MINDY4: variants seen among roughly 807,000 people sequenced by gnomAD.
The protein encoded by MINDY4 is MINDY lysine 48 deubiquitinase 4, also known as probable ubiquitin carboxyl-terminal hydrolase MINDY-4.
MINDY4 carries 68 observed loss-of-function variants against 87.0 expected under a neutral mutation model. The ratio of observed to expected loss-of-function variants is 0.78; its 90% CI spans 0.64 to 0.96. The LOEUF is 0.96. Among genes scored for constraint, MINDY4 ranks in the 40% least tolerant of loss-of-function variants. The pLI is 0.00. For synonymous variants in MINDY4, 379 were observed against 363.2 expected (o/e 1.04, Z -0.50); for missense variants, 919 against 928.2 (o/e 0.99, Z 0.13).
At chr7:30,859,129 C>G in intron 12 of MINDY4, 128 bp from the exon 13 acceptor site, 2 of 884,584 alleles carry the variant, frequency 2.3e-6, no homozygotes, top group Non-Finnish European at 3.8e-6. Flanking sequence ...CCCAGCAACC[C>G]CAGGGCTGGG....
chr7:30,837,037 A>C (rs562670911), intron 7 of MINDY4, among the ~76,000 whole-genome samples: 3 of 152,164 alleles, frequency 2.0e-5, no homozygotes, highest in South Asian at 4.2e-4. Flanking sequence ...CTGCTTCATC[A>C]TGTCCCTGTG....
At chr7:30,809,110 C>T (rs1444694237) in intron 5 of MINDY4, among the ~76,000 whole-genome samples, 1 of 151,900 alleles carries the variant, frequency 6.6e-6, no homozygotes, top group Non-Finnish European at 1.5e-5. Context: ...AAATTTAAAA[C>T]CTGTAATTGA....
At chr7:30,838,578 A>G (rs1440213146) in intron 7 of MINDY4, among the ~76,000 whole-genome samples, 1 of 152,144 alleles carries the variant, frequency 6.6e-6, no homozygotes, top group East Asian at 1.9e-4. Flanking sequence ...ATGGAAACAA[A>G]TGGGCTTTGC....
At chr7:30,806,789 G>A (rs1030632251) in intron 5 of MINDY4, among the ~76,000 whole-genome samples, 7 of 152,206 alleles carry the variant, frequency 4.6e-5, no homozygotes, top group Non-Finnish European at 8.8e-5. Context: ...GGAGGGTGAG[G>A]CAGATGTGTC....
At chr7:30,872,862 C>G (rs532207261) in intron 14 of MINDY4, among the ~76,000 whole-genome samples, 21 of 152,226 alleles carry the variant, frequency 1.4e-4, no homozygotes, top group Non-Finnish European at 2.5e-4. Context: ...AAGATGTTAC[C>G]TAGTGAGCAT....
intron 2 of MINDY4, 62 bp downstream of exon 2, chr7:30,778,613 T>C: frequency 6.3e-7 from 1 of 1,593,224 alleles, no homozygotes; most frequent in Non-Finnish European, 8.6e-7. Context: ...GCCAAAGCAC[T>C]CATGGGCCCT....
At chr7:30,777,093 T>C (rs1258191984) in intron 1 of MINDY4, among the ~76,000 whole-genome samples, 6 of 151,954 alleles carry the variant, frequency 3.9e-5, no homozygotes, top group African/African-American at 1.5e-4. Context: ...CACTGTGGCC[T>C]TGAAGTCATG....
Position 30,839,204 on chromosome 7 carries a change from TA to T in MINDY4, c.1247del (p.Lys416ArgfsTer29). The T allele has an allele frequency of 6.3e-7, 1 of 1,597,406 alleles. No homozygotes were observed. Among genetic ancestry groups the T allele is most frequent in the Non-Finnish European group, 8.5e-7 (1 of 1,172,896 alleles). On this transcript the variant is annotated frameshift_variant, in exon 8 of 18. Transcript: ENST00000265299. LOFTEE classifies it high-confidence loss of function. ...KPIDLSVAKE[I>X]KTLLFGSSFC... Reference sequence around the variant, plus strand: ...AACTCTCTCTTCTTTTTATAGGAAATAAAGACCCTTCTGTTTGGTTCCAGCT... The same window carrying T: ...AACTCTCTCTTCTTTTTATAGGAAATAAGACCCTTCTGTTTGGTTCCAGCT...
chr7:30,772,519 T>C (rs1584217990), intron 1 of MINDY4, among the ~76,000 whole-genome samples: 1 of 152,152 alleles, frequency 6.6e-6, no homozygotes, highest in Non-Finnish European at 1.5e-5. Context: ...TATTAACATA[T>C]GGGCAGCTTC....
intron 14 of MINDY4, among the ~76,000 whole-genome samples, chr7:30,873,535 T>G (rs1790170110): frequency 6.6e-6 from 1 of 152,216 alleles, no homozygotes; most frequent in Non-Finnish European, 1.5e-5. Flanking sequence ...CAGGCTCAGA[T>G]TCAGTGGGTC....
rs372590460 is a variant in MINDY4 at position 30,841,598 on chromosome 7, C to T, written c.1445+750C>T. On this transcript the variant is annotated intron_variant, in intron 9 of 17. Transcript: ENST00000265299. ...CGGTTACCAGCTTGTACCGAGTCAC[C>T]CTCAGAGCTACAGAACTTCTGGCAA... 7.0e-4 allele frequency among the ~76,000 whole-genome samples: 107 copies of T among 152,218 alleles called. 2 individuals are homozygous for T. The highest frequency in any genetic ancestry group is 2.5e-3 in the African/African-American group (103 of 41,520).
intron 5 of MINDY4, among the ~76,000 whole-genome samples, chr7:30,794,723 T>C (rs1161941124): frequency 1.3e-5 from 2 of 152,208 alleles, no homozygotes; most frequent in Non-Finnish European, 1.5e-5. Context: ...GTGGGGGTTG[T>C]GGCTGTTTGG....
intron 4 of MINDY4, among the ~76,000 whole-genome samples, chr7:30,788,736 A>T (rs1787230737): frequency 1.3e-5 from 2 of 152,036 alleles, no homozygotes; most frequent in Admixed American, 1.3e-4. Flanking sequence ...CCATGAAAAA[A>T]CCAGCAAGTT....
intron 5 of MINDY4, among the ~76,000 whole-genome samples, chr7:30,809,949 G>A (rs897006321): frequency 1.1e-4 from 16 of 152,002 alleles, no homozygotes; most frequent in African/African-American, 3.9e-4. Flanking sequence ...AGGCCGAGGT[G>A]GGTGGATCAT....
chr7:30,865,436 C>T (rs1789904617), intron 13 of MINDY4, among the ~76,000 whole-genome samples: 1 of 152,254 alleles, frequency 6.6e-6, no homozygotes, highest in African/African-American at 2.4e-5. Context: ...GCATGGATGC[C>T]AGTGTCATGG....
At chr7:30,838,166 C>G (rs1286453512) in intron 7 of MINDY4, among the ~76,000 whole-genome samples, 1 of 152,164 alleles carries the variant, frequency 6.6e-6, no homozygotes, top group Admixed American at 6.5e-5. Flanking sequence ...GGGCGGGGAC[C>G]TGCTGCCTTT....
intron 5 of MINDY4, among the ~76,000 whole-genome samples, chr7:30,804,251 A>G (rs1310764292): frequency 4.6e-5 from 7 of 152,128 alleles, no homozygotes; most frequent in Admixed American, 3.3e-4. Context: ...AGAAAATTCT[A>G]CTTTGTTTTC....
rs374910173 is a variant in MINDY4 at position 30,836,744 on chromosome 7, A to C, written c.1219A>C (p.Ile407Leu). The change falls in exon 7 of 18, where the codon ATT becomes CTT. Residue 407 changes from isoleucine (I) to leucine (L), a missense_variant. Ile to Leu is a conservative substitution (Grantham distance 5). Coordinates refer to ENST00000265299, the MANE Select transcript of MINDY4 (RefSeq NM_032222.3). Reference sequence around the variant, plus strand: ...CAAGTTGCAGACAGCATCAAAACCAATTGACCTCTCAGTAGCAAAGGTAAG... The same window carrying C: ...CAAGTTGCAGACAGCATCAAAACCACTTGACCTCTCAGTAGCAAAGGTAAG... ...VLKLQTASKP[I>L]DLSVAKEIKT... 1.2e-6 allele frequency: 2 copies of C among 1,614,098 alleles called. No individual in the cohort carries two copies. Among genetic ancestry groups the C allele is most frequent in the East Asian group, 4.5e-5 (2 of 44,886 alleles).
At chr7:30,889,590 G>A (rs944364562) in intron 17 of MINDY4, among the ~76,000 whole-genome samples, 3 of 152,184 alleles carry the variant, frequency 2.0e-5, no homozygotes, top group African/African-American at 4.8e-5. Context: ...GAAGATGAAC[G>A]CTCTGATATG....
Sources: allele counts gnomAD v4.1 joint callset (sites outside exome capture counted in the v4.1 genomes callset), GRCh38; gene constraint gnomAD v4.1.1; transcripts MANE v1.5; gene names NCBI Gene and HGNC (gene_info 2026-07-23, HGNC 2026-07-21).